Variants in FMN1 observed in about 807,000 individuals in gnomAD.
FMN1 encodes formin 1, also known as formin-1.
FMN1 carries 110 observed loss-of-function variants against 132.4 expected under a neutral mutation model. The ratio of observed to expected loss-of-function variants is 0.83; its 90% CI spans 0.71 to 0.97. FMN1 has a LOEUF of 0.97. Among genes scored for constraint, FMN1 ranks in the 50% least tolerant of loss-of-function variants. FMN1 has a pLI of 0.00. For synonymous variants in FMN1, 722 were observed against 651.7 expected, an observed-to-expected ratio of 1.11 and a Z score of -1.64; for missense variants, 1,792 against 1,705.3, an observed-to-expected ratio of 1.05 and a Z score of -0.90.
At position 33,014,259 on chromosome 15, in the gene FMN1, T is replaced by C. The variant is rs527316866; in HGVS notation, c.2162-6184A>G. Among the ~76,000 whole-genome samples, 22 of 152,364 alleles carry C rather than the reference T, an allele frequency of 1.4e-4. No homozygotes were observed. The South Asian group carries it at 3.3e-3, about 23-fold the overall frequency. On this transcript the variant is annotated intron_variant, in intron 6 of 20. Coordinates refer to ENST00000616417, the MANE Select transcript of FMN1 (RefSeq NM_001277313.2). ...TAAGTTAGTGCTTTCCAAATGTGTC[T>C]TGTTAGTGGCAGCCCCCTGCCCCCA...
chr15:32,940,628 C>T (rs1005331689), intron 9 of FMN1, among the ~76,000 whole-genome samples: 15 of 152,154 alleles, frequency 9.9e-5, no homozygotes, highest in Admixed American at 2.6e-4. Context: ...TCTTTATCCA[C>T]GTAACTCAAA....
chr15:32,952,401 C>T (rs1349591678), intron 9 of FMN1, among the ~76,000 whole-genome samples: 1 of 152,206 alleles, frequency 6.6e-6, no homozygotes, highest in African/African-American at 2.4e-5. Flanking sequence ...CAGTTGGCCT[C>T]ATTTTATATA....
In FMN1 at chr15:33,038,352, T is replaced by C. The variant is rs113429072; in HGVS notation, c.2161+26605A>G. Among the ~76,000 whole-genome samples, 1,100 of 152,372 alleles carry C rather than the reference T, an allele frequency of 7.2e-3. 10 individuals carry two copies. The highest frequency in any genetic ancestry group is 0.025 in the African/African-American group (1,021 of 41,588). Reference sequence around the variant, plus strand: ...TGTGTTTAAAAATGGTGTGACCTAATTTGGAGTTAACATTCAGAAGTTTTA... The same window carrying C: ...TGTGTTTAAAAATGGTGTGACCTAACTTGGAGTTAACATTCAGAAGTTTTA... On this transcript the variant is annotated intron_variant, in intron 6 of 20. Coordinates refer to ENST00000616417, the MANE Select transcript of FMN1 (RefSeq NM_001277313.2).
chr15:33,146,046 G>T (rs1224385859), intron 4 of FMN1, among the ~76,000 whole-genome samples: 1 of 151,122 alleles, frequency 6.6e-6, no homozygotes, highest in Non-Finnish European at 1.5e-5. Flanking sequence ...TGCAATCTCG[G>T]CTCACTGTAA....
intron 16 of FMN1, among the ~76,000 whole-genome samples, chr15:32,878,916 A>C (rs757260135): frequency 1.8e-4 from 28 of 152,242 alleles, no homozygotes; most frequent in Middle Eastern, 3.2e-3. Context: ...TGAGAGGAGG[A>C]AACCAGGACA....
At chr15:32,858,948 C>T (rs150995617) in intron 16 of FMN1, among the ~76,000 whole-genome samples, 3 of 152,236 alleles carry the variant, frequency 2.0e-5, no homozygotes, top group African/African-American at 4.8e-5. Context: ...GGACACTTTG[C>T]GCTAGAGTAG....
rs140419302 is a variant in FMN1, at chr15:33,093,908, G to C, written c.1868-4934C>G. 2.0e-5 allele frequency among the ~76,000 whole-genome samples: 3 copies of C among 152,290 alleles called. No individual in the cohort carries two copies. The East Asian group carries it at 5.8e-4, about 29-fold the overall frequency. The stretch of plus-strand genomic sequence containing the variant: ...AATAAAACAAATTTACAGTTGGAAA[G>C]AATCTTGTATATCTCCCCACCTACA... On this transcript the variant is annotated intron_variant, in intron 4 of 20. Coordinates refer to ENST00000616417, the MANE Select transcript of FMN1 (RefSeq NM_001277313.2).
chr15:33,163,660 G>A (rs1191549611), intron 3 of FMN1, among the ~76,000 whole-genome samples: 3 of 147,494 alleles, frequency 2.0e-5, no homozygotes, highest in East Asian at 2.0e-4. Context: ...TCTTGTTGCC[G>A]AGGCTGGAGT....
chr15:33,022,587 A>G (rs546830892), intron 6 of FMN1, among the ~76,000 whole-genome samples: 25 of 152,354 alleles, frequency 1.6e-4, no homozygotes, highest in Admixed American at 7.8e-4. Flanking sequence ...ATTATAACAT[A>G]AAGCAAGTAA....
At chr15:32,935,802 T>C (rs945763682) in intron 9 of FMN1, among the ~76,000 whole-genome samples, 3 of 151,820 alleles carry the variant, frequency 2.0e-5, no homozygotes, top group Non-Finnish European at 4.4e-5. Context: ...TAATTTTTGT[T>C]CTTTTAGTAG....
intron 3 of FMN1, among the ~76,000 whole-genome samples, chr15:33,156,555 G>A (rs1181390711): frequency 6.6e-6 from 1 of 151,818 alleles, no homozygotes; most frequent in Non-Finnish European, 1.5e-5. Context: ...TTCTCAGAGT[G>A]CTGGGATTAT....
chr15:33,066,223 A>G (rs138081409), intron 5 of FMN1, among the ~76,000 whole-genome samples: 1,528 of 152,276 alleles, frequency 0.01, 23 homozygotes, highest in African/African-American at 0.035. Flanking sequence ...ACCTAGTTTT[A>G]TAAGTGCGTT....
rs1415557424 is a variant in FMN1 at position 33,064,884 on chromosome 15, T to C, written c.2161+73A>G. The C allele has an allele frequency of 5.0e-6, 5 of 993,484 alleles. No individual in the cohort carries two copies. In the East Asian group the frequency reaches 1.0e-4, roughly 20 times the overall value. 61.5% of individuals were successfully genotyped at this position (993,484 alleles called of 1,614,324 possible). ...GAAATAAAACCCCAAATTCTGAGAG[T>C]CAACTAAGCTAGAACTAAAAGCCAT... On this transcript the variant is annotated intron_variant, in intron 6 of 20. Transcript: ENST00000616417.
chr15:33,162,508 T>C (rs1964936173), intron 3 of FMN1, among the ~76,000 whole-genome samples: 1 of 151,710 alleles, frequency 6.6e-6, no homozygotes, highest in South Asian at 2.1e-4. Context: ...AAATAGCCCC[T>C]CATTAAAATA....
chr15:32,900,197 C>T (rs765708273), intron 13 of FMN1, 72 bp from the exon 14 acceptor site: 48 of 1,520,034 alleles, frequency 3.2e-5, no homozygotes, highest in Middle Eastern at 3.4e-4. Flanking sequence ...TAACAAATAT[C>T]GACTGTGTAC....
chr15:32,966,466 G>A (rs1234505682), intron 8 of FMN1, among the ~76,000 whole-genome samples: 2 of 152,024 alleles, frequency 1.3e-5, no homozygotes, highest in African/African-American at 2.4e-5. Flanking sequence ...TACAATTCTA[G>A]CTCAAAAGGA....
intron 17 of FMN1, among the ~76,000 whole-genome samples, chr15:32,834,643 T>A (rs559655794): frequency 2.6e-3 from 397 of 152,352 alleles, no homozygotes; most frequent in African/African-American, 9.1e-3. Context: ...TTTAGCCTTC[T>A]CTTACTCCCA....
chr15:32,965,771 C>T (rs1390087442), intron 8 of FMN1, among the ~76,000 whole-genome samples: 1 of 152,078 alleles, frequency 6.6e-6, no homozygotes, highest in African/African-American at 2.4e-5. Context: ...ATAGTTGAAC[C>T]ATGTAATAGT....
rs1320616639 is a variant in FMN1, at chr15:32,773,414, G to GT, written c.*895dup. The GT allele has an allele frequency of 1.3e-5, 2 of 152,048 alleles. No individual in the cohort carries two copies. The highest frequency in any genetic ancestry group is 2.9e-5 in the Non-Finnish European group (2 of 68,048). The allele number at this position is 152,048 out of a possible 1,614,324, so 9.4% of individuals were successfully genotyped here. On this transcript the variant is annotated 3_prime_UTR_variant, in exon 21 of 21. Coordinates refer to ENST00000616417, the MANE Select transcript of FMN1 (RefSeq NM_001277313.2). ...AGCACATAACGTAGAACTCGGCTGC[G>GT]TATCAACACAACATTGCCCATTCAT...
Sources: gnomAD v4.1 joint callset for allele counts (sites outside exome capture counted in the v4.1 genomes callset) on GRCh38, gnomAD v4.1.1 for gene constraint, MANE v1.5 for transcripts, NCBI Gene and HGNC (gene_info 2026-07-23, HGNC 2026-07-21) for gene names.